The following SHISA9 variants were observed in gnomAD, a reference collection of about 807,000 sequenced individuals.
The protein encoded by SHISA9 is protein shisa-9.
In SHISA9, 13 loss-of-function variants were observed where a neutral mutation model predicts 38.0. The observed-to-expected ratio is 0.34, with a 90% CI of 0.22 to 0.54. SHISA9 has a LOEUF of 0.54. SHISA9 is among the 20% of genes least tolerant of loss of function. SHISA9 has a pLI of 0.91. For synonymous variants in SHISA9, 275 were observed against 242.0 expected (o/e 1.14, Z -1.27); for missense variants, 538 against 575.8 (o/e 0.93, Z 0.67).
the SHISA9 span, among the ~76,000 whole-genome samples, chr16:13,276,581 G>GT: frequency 6.6e-6 from 1 of 151,904 alleles, no homozygotes; most frequent in South Asian, 2.1e-4. Flanking sequence ...AACATCTACT[G>GT]TTTTTTTATT....
intron 2 of SHISA9, among the ~76,000 whole-genome samples, chr16:13,066,141 T>C (rs1277521914): frequency 6.6e-6 from 1 of 152,200 alleles, no homozygotes; most frequent in Non-Finnish European, 1.5e-5. Context: ...TTCCTCTTGC[T>C]ATGGTGATAA....
At chr16:13,211,337 T>G (rs1354043494) in intron 3 of SHISA9, among the ~76,000 whole-genome samples, 1 of 151,770 alleles carries the variant, frequency 6.6e-6, no homozygotes, top group African/African-American at 2.4e-5. Context: ...AGTAAAAATT[T>G]CCCTATGATG....
At chr16:13,016,728 C>G (rs2072762079) in intron 2 of SHISA9, among the ~76,000 whole-genome samples, 1 of 152,112 alleles carries the variant, frequency 6.6e-6, no homozygotes, top group African/African-American at 2.4e-5. Context: ...TAAAATTTTA[C>G]AAAAGCATTC....
intron 1 of SHISA9, among the ~76,000 whole-genome samples, chr16:12,904,096 T>C (rs1214098502): frequency 6.6e-6 from 1 of 151,680 alleles, no homozygotes; most frequent in Non-Finnish European, 1.5e-5. Context: ...ACTAAAGGAG[T>C]AAAGCTCTGG....
chr16:13,549,397 G>A, the SHISA9 span, among the ~76,000 whole-genome samples: 4 of 152,036 alleles, frequency 2.6e-5, no homozygotes, highest in African/African-American at 2.4e-5. Flanking sequence ...CAATGAATAC[G>A]GGTATTGAAA....
At chr16:13,296,114 C>T in the SHISA9 span, among the ~76,000 whole-genome samples, 2 of 152,114 alleles carry the variant, frequency 1.3e-5, no homozygotes, top group South Asian at 4.1e-4. Flanking sequence ...GTGGTTTCAG[C>T]AGTGATAACA....
chr16:12,953,247 A>G (rs1314834191), intron 2 of SHISA9, among the ~76,000 whole-genome samples: 1 of 152,070 alleles, frequency 6.6e-6, no homozygotes, highest in East Asian at 1.9e-4. Flanking sequence ...AACAAAAAAC[A>G]GCCAAAGCTT....
chr16:13,127,309 TGAGG>T (rs745914069), intron 2 of SHISA9, among the ~76,000 whole-genome samples: 7 of 47,288 alleles, frequency 1.5e-4, no homozygotes, highest in Non-Finnish European at 3.0e-4. Context: ...AGAGAGAGAG[TGAGG>T]GAGGGAGAGA....
the SHISA9 span, among the ~76,000 whole-genome samples, chr16:13,281,991 G>A: frequency 1.3e-5 from 2 of 151,636 alleles, no homozygotes; most frequent in African/African-American, 4.8e-5. Context: ...TTCAGTCAGT[G>A]CTAAGAGATG....
chr16:13,465,359 C>A, the SHISA9 span, among the ~76,000 whole-genome samples: 1 of 152,140 alleles, frequency 6.6e-6, no homozygotes, highest in African/African-American at 2.4e-5. Context: ...GAACGTGGGG[C>A]AGGTTCATTT....
chr16:13,057,024 A>G (rs926586081), intron 2 of SHISA9, among the ~76,000 whole-genome samples: 2 of 152,164 alleles, frequency 1.3e-5, no homozygotes, highest in Non-Finnish European at 2.9e-5. Flanking sequence ...GGCGCCCCCG[A>G]TCCAGAAAGC....
chr16:13,098,980 C>T (rs1314500582), intron 2 of SHISA9, among the ~76,000 whole-genome samples: 2 of 152,236 alleles, frequency 1.3e-5, no homozygotes, highest in Non-Finnish European at 2.9e-5. Context: ...GTGGGGCTGA[C>T]ATTAAAAGCT....
At chr16:13,363,482 T>C in the SHISA9 span, among the ~76,000 whole-genome samples, 1 of 152,106 alleles carries the variant, frequency 6.6e-6, no homozygotes, top group Non-Finnish European at 1.5e-5. Flanking sequence ...GAGAGGATGG[T>C]ATTAGGATGT....
intron 2 of SHISA9, among the ~76,000 whole-genome samples, chr16:12,956,727 G>A (rs2071840154): frequency 6.6e-6 from 1 of 152,134 alleles, no homozygotes; most frequent in South Asian, 2.1e-4. Context: ...TCCAAAAGAG[G>A]GGAGAATGGG....
chr16:12,916,853 G>A (rs751814599), intron 2 of SHISA9, 38 bp downstream of exon 2: 2 of 1,545,420 alleles, frequency 1.3e-6, no homozygotes, highest in Non-Finnish European at 1.7e-6. Context: ...AGTCCCATGG[G>A]GTGACCTGAG....
At chr16:13,351,944 G>T in the SHISA9 span, among the ~76,000 whole-genome samples, 1 of 152,160 alleles carries the variant, frequency 6.6e-6, no homozygotes, top group Admixed American at 6.5e-5. Context: ...GAAGACAGAG[G>T]GAGAAATGAC....
chr16:13,444,978 C>G, the SHISA9 span, among the ~76,000 whole-genome samples: 1 of 101,498 alleles, frequency 9.9e-6, no homozygotes, highest in Non-Finnish European at 2.0e-5. Context: ...ACCACCATGC[C>G]TAGCTATATA....
the SHISA9 span, among the ~76,000 whole-genome samples, chr16:13,329,535 C>T: frequency 6.6e-6 from 1 of 152,180 alleles, no homozygotes; most frequent in African/African-American, 2.4e-5. Flanking sequence ...TCTTCCCACT[C>T]CTCTAATTTG....
At chr16:13,322,427 G>A in the SHISA9 span, among the ~76,000 whole-genome samples, 1 of 152,148 alleles carries the variant, frequency 6.6e-6, no homozygotes, top group African/African-American at 2.4e-5. Flanking sequence ...AATTCAGCTA[G>A]CTGAATATGG....
Sources: gnomAD v4.1 joint callset for allele counts (sites outside exome capture counted in the v4.1 genomes callset) on GRCh38, gnomAD v4.1.1 for gene constraint, MANE v1.5 for transcripts, NCBI Gene and HGNC (gene_info 2026-07-23, HGNC 2026-07-21) for gene names.